CAGE1: variants seen among roughly 807,000 people sequenced by gnomAD.
CAGE1 encodes cancer-associated gene 1 protein.
A neutral mutation model predicts 94.9 loss-of-function variants in CAGE1; 66 were observed. The ratio of observed to expected loss-of-function variants is 0.70; its 90% confidence interval spans 0.57 to 0.85. The LOEUF (loss-of-function observed/expected upper bound fraction) is 0.85. Among genes scored for constraint, CAGE1 ranks in the 40% least tolerant of loss-of-function variants. The pLI, the probability that CAGE1 is intolerant of heterozygous loss-of-function variation, is 0.00. For missense variants in CAGE1, 865 were observed against 950.4 expected (o/e 0.91, Z 1.18); for synonymous variants, 319 against 321.0 (o/e 0.99, Z 0.07).
intron 11 of CAGE1, among the ~76,000 whole-genome samples, chr6:7,345,759 T>C (rs1222729590): frequency 2.0e-5 from 3 of 151,546 alleles, no homozygotes; most frequent in African/African-American, 4.8e-5. Flanking sequence ...CCGTCTCTAC[T>C]AAAAATACAA....
chr6:7,334,632 C>T (rs996518526), intron 11 of CAGE1, among the ~76,000 whole-genome samples: 14 of 144,386 alleles, frequency 9.7e-5, no homozygotes, highest in African/African-American at 3.7e-4. Context: ...GGAGGCTGAG[C>T]TGGGAGGATT....
chr6:7,345,103 C>T (rs753212760), intron 11 of CAGE1, among the ~76,000 whole-genome samples: 45 of 151,676 alleles, frequency 3.0e-4, no homozygotes, highest in Non-Finnish European at 3.2e-4. Flanking sequence ...AATCTTAACT[C>T]TTGTTGCTGT....
intron 11 of CAGE1, among the ~76,000 whole-genome samples, chr6:7,344,502 C>T (rs1654381274): frequency 6.6e-6 from 1 of 152,264 alleles, no homozygotes; most frequent in Non-Finnish European, 1.5e-5. Flanking sequence ...GCCTCGCAAC[C>T]CCTCCATGAG....
At chr6:7,366,263 A>C (rs1475977448) in intron 7 of CAGE1, among the ~76,000 whole-genome samples, 1 of 151,794 alleles carries the variant, frequency 6.6e-6, no homozygotes, top group Admixed American at 6.6e-5. Flanking sequence ...AAAAAAAAAA[A>C]ATCAAACCAT....
At chr6:7,345,935 A>C (rs1759505277) in intron 11 of CAGE1, among the ~76,000 whole-genome samples, 1 of 152,130 alleles carries the variant, frequency 6.6e-6, no homozygotes, top group African/African-American at 2.4e-5. Context: ...AAAAAAAGAA[A>C]AATTACAGTA....
chr6:7,329,842 G>T lies in CAGE1; in HGVS notation c.2478+7C>A. On this transcript the variant is annotated splice_region_variant and intron_variant, in intron 13 of 13. Transcript: ENST00000502583. ...GATTCTTTATCATGATCATCAAGGT[G>T]ACCTACCATGGTCATGGACTTCGGA... 2 of 1,359,954 alleles carry T rather than the reference G, an allele frequency of 1.5e-6. No homozygotes were observed. The highest frequency in any genetic ancestry group is 2.1e-6 in the Non-Finnish European group (2 of 963,962). 84.2% of individuals were successfully genotyped at this position (1,359,954 alleles called of 1,614,324 possible).
chr6:7,329,366 A>G (rs1161793583), intron 13 of CAGE1: 1 of 340,486 alleles, frequency 2.9e-6, no homozygotes, highest in East Asian at 4.3e-5. Context: ...GAACGGTAAG[A>G]CTGGATAGGA....
intron 11 of CAGE1, among the ~76,000 whole-genome samples, chr6:7,344,345 G>A (rs565692174): frequency 5.9e-5 from 9 of 152,382 alleles, no homozygotes; most frequent in South Asian, 2.1e-4. Flanking sequence ...CGGGCAATGA[G>A]GGGTTTAGCA....
At chr6:7,353,152 G>C (rs2477481) in intron 11 of CAGE1, among the ~76,000 whole-genome samples, 1 of 152,056 alleles carries the variant, frequency 6.6e-6, no homozygotes, top group African/African-American at 2.4e-5. Flanking sequence ...ATCTGACAAA[G>C]GACAAATATC....
chr6:7,370,871 T>C (rs1760517876), intron 5 of CAGE1, among the ~76,000 whole-genome samples: 1 of 152,142 alleles, frequency 6.6e-6, no homozygotes, highest in East Asian at 1.9e-4. Context: ...TACTTTTGAC[T>C]TCACAGATAC....
rs146990813 is a variant in CAGE1, at chr6:7,369,814, C to A, written c.1893+105G>T. 2.4e-3 allele frequency: 2,812 copies of A among 1,156,724 alleles called. 46 individuals carry two copies. The African/African-American group carries it at 0.04, about 16-fold the overall frequency. The allele number at this position is 1,156,724 out of a possible 1,614,324, so 71.7% of individuals were successfully genotyped here. A position where few individuals can be genotyped will look rare whatever the true frequency, so the allele number is the denominator to read the frequency against. On this transcript the variant is annotated intron_variant, in intron 6 of 13. Coordinates refer to ENST00000502583, the MANE Select transcript of CAGE1 (RefSeq NM_001170692.2). ...GGTCTGTATTTTATCTTCAATTCTT[C>A]ATTTTCTTCTTCCACAACTTAATTC...
rs1413833317 is a variant in CAGE1, at chr6:7,329,142, A to G, written c.2478+707T>C. The G allele has an allele frequency of 1.6e-5, 6 of 369,984 alleles. No individual in the cohort carries two copies. In the East Asian group the frequency reaches 2.3e-4, roughly 14 times the overall value. 22.9% of individuals were successfully genotyped at this position (369,984 alleles called of 1,614,324 possible). ...GAGACGAGGGTTCCCCATGTTGGTC[A>G]GGCTGGTCTTGAACTCCTGAACTCA... On this transcript the variant is annotated intron_variant, in intron 13 of 13. Coordinates refer to ENST00000502583, the MANE Select transcript of CAGE1 (RefSeq NM_001170692.2).
At chr6:7,372,446 G>C (rs1760569092) in intron 5 of CAGE1, among the ~76,000 whole-genome samples, 1 of 148,538 alleles carries the variant, frequency 6.7e-6, no homozygotes. Context: ...ACTCCAGCCT[G>C]GGCGACAGAG....
chr6:7,353,727 ACACACACACACACAC>A (rs1759861255), intron 11 of CAGE1, among the ~76,000 whole-genome samples: 1 of 151,506 alleles, frequency 6.6e-6, no homozygotes, highest in Non-Finnish European at 1.5e-5. Context: ...ACACACACAC[ACACACACACACACAC>A]GATGGAATAC....
At chr6:7,337,203 T>G (rs1758984921) in intron 11 of CAGE1, among the ~76,000 whole-genome samples, 1 of 151,888 alleles carries the variant, frequency 6.6e-6, no homozygotes, top group South Asian at 2.1e-4. Context: ...GGCGTGCACC[T>G]GTAGTCCCAG....
rs1456074308 is a variant in CAGE1 at position 7,365,814 on chromosome 6, T to C, written c.2075A>G (p.His692Arg). 2.0e-6 allele frequency: 3 copies of C among 1,527,480 alleles called. No individual in the cohort carries two copies. Among genetic ancestry groups the C allele is most frequent in the Non-Finnish European group, 2.7e-6 (3 of 1,128,956 alleles). 94.6% of individuals were successfully genotyped at this position (1,527,480 alleles called of 1,614,324 possible). Residue 692 changes from histidine to arginine, a missense_variant, in exon 8 of 14, where the codon CAT becomes CGT. Coordinates refer to ENST00000502583, the MANE Select transcript of CAGE1 (RefSeq NM_001170692.2). ...LIAKEKAFQD[H>R]AIKVIDCDSD... ...AAATATTAAGCTCACCTTAATAGCA[T>C]GATCTTGAAATGCTTTTTCCTTAGC...
At position 7,334,109 on chromosome 6, in the gene CAGE1, G is replaced by T; in HGVS notation, c.2370-19C>A. 1 of 1,445,628 alleles carries T rather than the reference G, an allele frequency of 6.9e-7. No homozygotes were observed. The highest frequency in any genetic ancestry group is 9.4e-7 in the Non-Finnish European group (1 of 1,061,632). The allele number at this position is 1,445,628 out of a possible 1,614,324, so 89.6% of individuals were successfully genotyped here. A position where few individuals can be genotyped will look rare whatever the true frequency, so the allele number is the denominator to read the frequency against. ...TTCCAAACTGAAAGAAGAAACAATT[G>T]AATTTTATGACTAAAATGGACTTTT... On this transcript the variant is annotated intron_variant, in intron 11 of 13. Transcript: ENST00000502583.
chr6:7,376,993 T>C (rs923274217), intron 4 of CAGE1, among the ~76,000 whole-genome samples: 4 of 152,242 alleles, frequency 2.6e-5, no homozygotes, highest in African/African-American at 9.6e-5. Flanking sequence ...TATAGCATCA[T>C]AGCATAAATA....
At chr6:7,358,759 A>G (rs924129534) in intron 9 of CAGE1, among the ~76,000 whole-genome samples, 1 of 152,174 alleles carries the variant, frequency 6.6e-6, no homozygotes, top group Non-Finnish European at 1.5e-5. Flanking sequence ...GTGGGAGGCC[A>G]CAGTGAGCCA....
Sources: allele counts gnomAD v4.1 joint callset (sites outside exome capture counted in the v4.1 genomes callset), GRCh38; gene constraint gnomAD v4.1.1; transcripts MANE v1.5; gene names NCBI Gene and HGNC (gene_info 2026-07-23, HGNC 2026-07-21).